The following TIAM2 variants were observed in gnomAD, a reference collection of about 807,000 sequenced individuals.
TIAM2 encodes rho guanine nucleotide exchange factor TIAM2.
A neutral mutation model predicts 152.9 loss-of-function variants in TIAM2; 80 were observed. The observed-to-expected ratio is 0.52, with a 90% CI of 0.44 to 0.63. TIAM2 has a LOEUF of 0.63. TIAM2 is among the 30% of genes least tolerant of loss of function. The pLI, the probability that TIAM2 is intolerant of heterozygous loss-of-function variation, is 0.00. For missense variants in TIAM2, 1,965 were observed against 2,120.1 expected (o/e 0.93, Z 1.44); for synonymous variants, 804 against 838.0 (o/e 0.96, Z 0.70).
intron 10 of TIAM2, among the ~76,000 whole-genome samples, chr6:155,178,054 G>C (rs888925488): frequency 6.6e-6 from 1 of 151,840 alleles, no homozygotes; most frequent in Non-Finnish European, 1.5e-5. Context: ...CCAGCTACTC[G>C]GGAGGCAGAG....
chr6:155,030,777 G>T (rs913414206), intron 1 of TIAM2, among the ~76,000 whole-genome samples: 2 of 152,074 alleles, frequency 1.3e-5, no homozygotes, highest in African/African-American at 2.4e-5. Flanking sequence ...AAATTTTTTG[G>T]TAAGTGTGGC....
intron 1 of TIAM2, among the ~76,000 whole-genome samples, chr6:155,064,834 C>T (rs1013628114): frequency 1.3e-5 from 2 of 152,076 alleles, no homozygotes; most frequent in East Asian, 1.9e-4. Context: ...CCCTCCTCAT[C>T]GCCTGTAGTT....
chr6:155,028,368 T>TATATATACTGTGTTACATATATACTAC (rs1776678433), intron 1 of TIAM2, among the ~76,000 whole-genome samples: 1 of 118,128 alleles, frequency 8.5e-6, no homozygotes. Context: ...CTACATATAA[T>TATATATACTGTGTTACATATATACTAC]ATATATACTG....
intron 1 of TIAM2, among the ~76,000 whole-genome samples, chr6:155,033,216 G>A (rs1314486171): frequency 6.6e-6 from 1 of 151,998 alleles, no homozygotes; most frequent in African/African-American, 2.4e-5. Context: ...CTGCCTGCGC[G>A]CTACTTAAAT....
At chr6:155,043,884 C>A (rs1483741330) in intron 1 of TIAM2, among the ~76,000 whole-genome samples, 1 of 152,056 alleles carries the variant, frequency 6.6e-6, no homozygotes, top group Non-Finnish European at 1.5e-5. Context: ...TTATTCCTGA[C>A]AATCAAGTCT....
chr6:155,086,034 G>A (rs1286448850), intron 1 of TIAM2, among the ~76,000 whole-genome samples: 1 of 152,172 alleles, frequency 6.6e-6, no homozygotes. Context: ...CTTAAAATGG[G>A]ACTTTCCCTG....
chr6:155,051,885 C>G (rs1393702907), intron 1 of TIAM2, among the ~76,000 whole-genome samples: 1 of 152,122 alleles, frequency 6.6e-6, no homozygotes, highest in Admixed American at 6.6e-5. Flanking sequence ...GGCTATCTGC[C>G]CGTCTAGGCC....
At chr6:155,047,734 A>AGAGAGC (rs1777229057) in intron 1 of TIAM2, among the ~76,000 whole-genome samples, 2 of 116,806 alleles carry the variant, frequency 1.7e-5, no homozygotes, top group African/African-American at 6.2e-5. Flanking sequence ...AGCGAGAGAG[A>AGAGAGC]GAGAGAGAGA....
chr6:155,106,534 G>A (rs1049588621), intron 2 of TIAM2, among the ~76,000 whole-genome samples: 4 of 152,114 alleles, frequency 2.6e-5, no homozygotes, highest in Admixed American at 2.0e-4. Flanking sequence ...GTTTATACCC[G>A]ATATTTTGCA....
At position 155,092,397 on chromosome 6, in the gene TIAM2, G is replaced by A. The variant is rs139597349; in HGVS notation, c.-118+2018G>A. On this transcript the variant is annotated intron_variant, in intron 2 of 26. Transcript: ENST00000682666. ...ACAGGCATGAGCCACCATGCAAGCTGGGTAAGTTATTAACCTCTTGATGCT... is the reference window on the plus strand; with the variant it reads ...ACAGGCATGAGCCACCATGCAAGCTAGGTAAGTTATTAACCTCTTGATGCT... 3.0e-3 allele frequency among the ~76,000 whole-genome samples: 460 copies of A among 152,160 alleles called. 2 individuals carry two copies. The highest frequency in any genetic ancestry group is 0.01 in the African/African-American group (432 of 41,516).
chr6:155,031,176 A>G (rs1776814248), intron 1 of TIAM2, among the ~76,000 whole-genome samples: 1 of 152,214 alleles, frequency 6.6e-6, no homozygotes, highest in Non-Finnish European at 1.5e-5. Context: ...TCAGTGTTAA[A>G]TTAACTCCTT....
chr6:155,196,286 G>A (rs1781345708), intron 14 of TIAM2, among the ~76,000 whole-genome samples: 1 of 152,176 alleles, frequency 6.6e-6, no homozygotes, highest in African/African-American at 2.4e-5. Context: ...TGGGTGTGGA[G>A]CAGCTTTGGG....
At chr6:155,238,562 G>C (rs1005555553) in intron 15 of TIAM2, among the ~76,000 whole-genome samples, 12 of 152,212 alleles carry the variant, frequency 7.9e-5, no homozygotes, top group African/African-American at 2.7e-4. Flanking sequence ...CCTTGAGGTA[G>C]GCCTGGAACG....
At chr6:155,158,246 T>G (rs946237333) in intron 7 of TIAM2, among the ~76,000 whole-genome samples, 1 of 152,218 alleles carries the variant, frequency 6.6e-6, no homozygotes, top group African/African-American at 2.4e-5. Flanking sequence ...AAAATCATTA[T>G]TCATTTGTTA....
intron 21 of TIAM2, chr6:155,250,456 G>T: frequency 2.6e-6 from 3 of 1,160,588 alleles, no homozygotes; most frequent in South Asian, 2.9e-5. Context: ...GCATAGTTTA[G>T]GGAGAAAATG....
chr6:155,025,339 G>A (rs915961404), intron 1 of TIAM2, among the ~76,000 whole-genome samples: 2 of 151,934 alleles, frequency 1.3e-5, no homozygotes, highest in Non-Finnish European at 2.9e-5. Flanking sequence ...GACTACAGGC[G>A]CCTGCCACCA....
chr6:155,025,049 C>T (rs926053168), intron 1 of TIAM2, among the ~76,000 whole-genome samples: 2 of 152,182 alleles, frequency 1.3e-5, no homozygotes, highest in South Asian at 2.1e-4. Context: ...TTTTTAGAGA[C>T]GGAGTCTGGC....
chr6:155,119,683 C>G (rs1779107581), intron 2 of TIAM2, among the ~76,000 whole-genome samples: 1 of 152,236 alleles, frequency 6.6e-6, no homozygotes, highest in African/African-American at 2.4e-5. Flanking sequence ...GAGCTTGGCT[C>G]TCCTTGGATT....
intron 14 of TIAM2, among the ~76,000 whole-genome samples, chr6:155,189,159 C>T (rs200366961): frequency 1.3e-5 from 2 of 152,204 alleles, no homozygotes; most frequent in Non-Finnish European, 2.9e-5. Flanking sequence ...TCTGATGTGG[C>T]AAACCCACTT....
Sources: gnomAD v4.1 joint callset for allele counts (sites outside exome capture counted in the v4.1 genomes callset) on GRCh38, gnomAD v4.1.1 for gene constraint, MANE v1.5 for transcripts, NCBI Gene and HGNC (gene_info 2026-07-23, HGNC 2026-07-21) for gene names.